UPP2: variants seen among roughly 807,000 people sequenced by gnomAD.
UPP2 encodes uridine phosphorylase 2.
In UPP2, 23 loss-of-function variants were observed where a neutral mutation model predicts 26.7. The ratio of observed to expected loss-of-function variants is 0.86; its 90% CI spans 0.62 to 1.22. The LOEUF is 1.22. UPP2 is among the 50% of genes most tolerant of loss of function. The pLI, the probability that UPP2 is intolerant of heterozygous loss-of-function variation, is 0.00. For missense variants in UPP2, 387 were observed against 396.7 expected (o/e 0.98, Z 0.21); for synonymous variants, 127 against 141.3 (o/e 0.90, Z 0.72).
In UPP2 at chr2:158,026,199, T is replaced by C. The variant is rs78389545; in HGVS notation, c.147+10313T>C. On this transcript the variant is annotated intron_variant, in intron 3 of 9. Coordinates refer to the UPP2 transcript ENST00000605860. ...GAGTGTGGGAGAGGATTCTAAGAGG[T>C]TTCTCTTTCTGCCTCTTCTCTTATC... is the stretch of plus-strand genomic sequence containing the variant. Among the ~76,000 whole-genome samples, 1,467 of 152,128 alleles carry C rather than the reference T, an allele frequency of 9.6e-3. 22 individuals are homozygous for C. Among genetic ancestry groups the C allele is most frequent in the African/African-American group, 0.033 (1,354 of 41,488 alleles).
intron 6 of UPP2, among the ~76,000 whole-genome samples, chr2:158,131,903 C>A (rs1683826990): frequency 6.6e-6 from 1 of 152,198 alleles, no homozygotes. Flanking sequence ...ATTGCTATAA[C>A]CTGTTCTTTT....
At chr2:158,082,386 C>T (rs550720903) in intron 3 of UPP2, among the ~76,000 whole-genome samples, 1 of 152,280 alleles carries the variant, frequency 6.6e-6, no homozygotes, top group Non-Finnish European at 1.5e-5. Context: ...CCCTAAAGTC[C>T]ATTGTATGAT....
upstream of UPP2, among the ~76,000 whole-genome samples, chr2:158,099,875 C>T (rs1683046448): frequency 6.6e-6 from 1 of 152,178 alleles, no homozygotes; most frequent in Admixed American, 6.5e-5. Context: ...AGATCTGATG[C>T]AAGACCCTCC....
chr2:158,000,567 T>C lies in UPP2; in HGVS notation c.61+5308T>C, dbSNP rs556032756. On this transcript the variant is annotated intron_variant, in intron 2 of 9. Coordinates refer to the UPP2 transcript ENST00000605860. ...ATGCTAAATGATTTCTTGCTGGAGA[T>C]GGCTTCCTCCAAACAGAGGGAAAGG... is the stretch of plus-strand genomic sequence containing the variant. Among the ~76,000 whole-genome samples the C allele has an allele frequency of 9.8e-5, 15 of 152,334 alleles. No individual in the cohort carries two copies. The South Asian group carries it at 2.9e-3, about 29-fold the overall frequency.
intron 3 of UPP2, among the ~76,000 whole-genome samples, chr2:158,091,932 G>A (rs1209560514): frequency 1.3e-5 from 2 of 152,154 alleles, no homozygotes; most frequent in Admixed American, 6.5e-5. Flanking sequence ...AGAAGGCATT[G>A]CATAGTTATA....
At chr2:158,108,234 T>C (rs1033387750) in intron 2 of UPP2, among the ~76,000 whole-genome samples, 2 of 152,156 alleles carry the variant, frequency 1.3e-5, no homozygotes, top group African/African-American at 4.8e-5. Flanking sequence ...CACATGCAAA[T>C]GGTACATTCA....
chr2:158,124,217 A>G (rs1300884859), intron 6 of UPP2, among the ~76,000 whole-genome samples: 1 of 152,160 alleles, frequency 6.6e-6, no homozygotes, highest in African/African-American at 2.4e-5. Flanking sequence ...CAAGATACAA[A>G]CAAAATATTC....
chr2:158,055,557 C>A (rs946129860), intron 3 of UPP2, among the ~76,000 whole-genome samples: 1 of 152,150 alleles, frequency 6.6e-6, no homozygotes, highest in Non-Finnish European at 1.5e-5. Flanking sequence ...TCTTGACACT[C>A]CTAAGTGATA....
chr2:158,081,763 G>A (rs1157007680), intron 3 of UPP2, among the ~76,000 whole-genome samples: 4 of 151,932 alleles, frequency 2.6e-5, no homozygotes. Flanking sequence ...TAAAAAAATT[G>A]AACTCATGGA....
At chr2:158,124,961 T>C (rs893641078) in intron 6 of UPP2, among the ~76,000 whole-genome samples, 4 of 152,150 alleles carry the variant, frequency 2.6e-5, no homozygotes, top group African/African-American at 7.2e-5. Context: ...TGAAAGCATA[T>C]AGATGGCATT....
intron 2 of UPP2, among the ~76,000 whole-genome samples, chr2:158,109,141 C>T (rs1312393285): frequency 6.6e-6 from 1 of 152,050 alleles, no homozygotes; most frequent in Non-Finnish European, 1.5e-5. Context: ...CCCAGGGCAG[C>T]AGTCCTGGCT....
At chr2:158,081,506 T>C (rs1682726472) in intron 3 of UPP2, among the ~76,000 whole-genome samples, 2 of 152,204 alleles carry the variant, frequency 1.3e-5, no homozygotes, top group Admixed American at 1.3e-4. Flanking sequence ...ACCAAAGAGA[T>C]AGCTGCACTC....
chr2:158,117,659 G>C (rs1242269404), intron 3 of UPP2, among the ~76,000 whole-genome samples, 165 bp from the exon 4 acceptor site: 1 of 151,970 alleles, frequency 6.6e-6, no homozygotes, highest in Admixed American at 6.6e-5. Flanking sequence ...AGCATGTCAT[G>C]TAGGTGCCAA....
intron 3 of UPP2, among the ~76,000 whole-genome samples, chr2:158,093,795 G>A (rs1231125771): frequency 2.0e-5 from 3 of 151,756 alleles, no homozygotes; most frequent in Non-Finnish European, 2.9e-5. Flanking sequence ...CTATTAGGTA[G>A]GGCAATGTAA....
At chr2:158,133,116 C>T (rs1683858752) in intron 6 of UPP2, among the ~76,000 whole-genome samples, 1 of 152,184 alleles carries the variant, frequency 6.6e-6, no homozygotes, top group East Asian at 1.9e-4. Context: ...ATGGAATCAA[C>T]CAAGTGTCCA....
At position 158,106,086 on chromosome 2, in the gene UPP2, T is replaced by G. The variant is rs773812045; in HGVS notation, c.63-13T>G. The G allele has an allele frequency of 8.1e-5, 121 of 1,501,804 alleles. 2 individuals carry two copies. In the South Asian group the frequency reaches 1.4e-3, roughly 17 times the overall value. 93.0% of individuals were successfully genotyped at this position (1,501,804 alleles called of 1,614,324 possible). A position where few individuals can be genotyped will look rare whatever the true frequency, so the allele number is the denominator to read the frequency against. On this transcript the variant is annotated splice_polypyrimidine_tract_variant and intron_variant, in intron 1 of 6. Transcript: ENST00000005756. ...ATTCTTTTATATCTTCTTTGTATAATTTTTTTTTCCAGAAAAAGGTTTGTT... is the reference window on the plus strand; with the variant it reads ...ATTCTTTTATATCTTCTTTGTATAAGTTTTTTTTCCAGAAAAAGGTTTGTT...
chr2:158,100,038 C>T (rs1313841514), upstream of UPP2, among the ~76,000 whole-genome samples: 1 of 152,146 alleles, frequency 6.6e-6, no homozygotes, highest in Non-Finnish European at 1.5e-5. Flanking sequence ...AGGTGACTGG[C>T]CTTTTGCAAT....
At chr2:158,051,208 T>G (rs1287610692) in intron 3 of UPP2, among the ~76,000 whole-genome samples, 1 of 151,668 alleles carries the variant, frequency 6.6e-6, no homozygotes, top group African/African-American at 2.4e-5. Context: ...TATGTGTGTA[T>G]AATATCTTTC....
intron 3 of UPP2, among the ~76,000 whole-genome samples, chr2:158,019,647 C>T (rs1170222493): frequency 3.8e-5 from 3 of 78,536 alleles, no homozygotes; most frequent in Admixed American, 3.2e-4. Flanking sequence ...AAAACACACA[C>T]ACACACACAC....
Sources: gnomAD v4.1 joint callset for allele counts (sites outside exome capture counted in the v4.1 genomes callset) on GRCh38, gnomAD v4.1.1 for gene constraint, MANE v1.5 for transcripts, NCBI Gene and HGNC (gene_info 2026-07-23, HGNC 2026-07-21) for gene names.